ZNF536: variants seen among roughly 807,000 people sequenced by gnomAD.
The protein encoded by ZNF536 is zinc finger protein 536.
ZNF536 carries 13 observed loss-of-function variants against 84.5 expected under a neutral mutation model. The ratio of observed to expected loss-of-function variants is 0.15; its 90% CI spans 0.10 to 0.24. ZNF536 has a LOEUF of 0.24. ZNF536 is among the 10% of genes least tolerant of loss of function. The pLI, the probability that ZNF536 is intolerant of heterozygous loss-of-function variation, is 1.00. For missense variants in ZNF536, 1,536 were observed against 1,747.5 expected (o/e 0.88, Z 2.16); for synonymous variants, 811 against 742.5 (o/e 1.09, Z -1.50).
chr19:30,522,372 A>C (rs12980837), intron 2 of ZNF536, among the ~76,000 whole-genome samples: 1 of 148,680 alleles, frequency 6.7e-6, no homozygotes, highest in South Asian at 2.1e-4. Flanking sequence ...ATTCAAAAAA[A>C]TTTTTTAAGC....
intron 2 of ZNF536, among the ~76,000 whole-genome samples, chr19:30,466,306 C>G (rs541986675): frequency 4.6e-5 from 7 of 151,730 alleles, no homozygotes; most frequent in Middle Eastern, 3.4e-3. Flanking sequence ...CTCTGGGAGA[C>G]TGAAGCAGGA....
At chr19:30,336,989 C>A (rs2146483395) in intron 2 of ZNF536, among the ~76,000 whole-genome samples, 1 of 152,030 alleles carries the variant, frequency 6.6e-6, no homozygotes, top group African/African-American at 2.4e-5. Context: ...GCCGTGAGAA[C>A]TCAGGAAAAG....
intron 1 of ZNF536, among the ~76,000 whole-genome samples, chr19:30,266,531 T>C (rs975922539): frequency 1.3e-5 from 2 of 152,308 alleles, no homozygotes; most frequent in East Asian, 3.9e-4. Flanking sequence ...CCTCCTTGAT[T>C]GTTTTGTCTT....
rs144320989 is a variant in ZNF536, at chr19:30,473,360, A to G, written c.2170+27628A>G. ...TTGGTGTTTTAGCCCAGCGTGTCCC[A>G]TGGCCCCAGAGTATGCAACCCTGGG... On this transcript the variant is annotated intron_variant, in intron 2 of 4. Coordinates refer to ENST00000355537, the MANE Select transcript of ZNF536 (RefSeq NM_014717.3). Among the ~76,000 whole-genome samples the G allele has an allele frequency of 1.1e-3, 173 of 152,186 alleles. 2 individuals are homozygous for G. The highest frequency in any genetic ancestry group is 4.1e-3 in the African/African-American group (170 of 41,516).
At chr19:30,462,570 T>C (rs902406957) in intron 2 of ZNF536, among the ~76,000 whole-genome samples, 1 of 151,878 alleles carries the variant, frequency 6.6e-6, no homozygotes, top group African/African-American at 2.4e-5. Context: ...TGTGCACAGG[T>C]GACAGTGACT....
At chr19:30,571,035 G>A (rs554763680) in intron 1 of ZNF536, among the ~76,000 whole-genome samples, 37 of 152,198 alleles carry the variant, frequency 2.4e-4, no homozygotes, top group Non-Finnish European at 4.9e-4. Context: ...CCTGTGGAGT[G>A]TCTAACTGGC....
chr19:30,279,968 T>C (rs114255064), intron 1 of ZNF536, among the ~76,000 whole-genome samples: 2,636 of 152,272 alleles, frequency 0.017, 73 homozygotes, highest in African/African-American at 0.06. Context: ...CTGCTCCTGC[T>C]GCCAGACCTC....
chr19:30,250,914 T>A (rs947496765), intron 1 of ZNF536, among the ~76,000 whole-genome samples: 4 of 152,032 alleles, frequency 2.6e-5, no homozygotes, highest in Non-Finnish European at 2.9e-5. Context: ...TTCCTTTTTT[T>A]AAAAAGTGGT....
intron 1 of ZNF536, among the ~76,000 whole-genome samples, chr19:30,693,904 A>G (rs2147930975): frequency 6.6e-6 from 1 of 152,276 alleles, no homozygotes; most frequent in African/African-American, 2.4e-5. Context: ...CATTAATACA[A>G]TACAACCTCA....
chr19:30,448,060 CAAAAG>C (rs1202076940), intron 2 of ZNF536, among the ~76,000 whole-genome samples: 2 of 152,196 alleles, frequency 1.3e-5, no homozygotes, highest in Non-Finnish European at 2.9e-5. Context: ...GCTCATGACT[CAAAAG>C]AGAATTATAC....
chr19:30,296,368 C>T (rs1360672429), intron 2 of ZNF536: 1 of 152,314 alleles, frequency 6.6e-6, no homozygotes. Context: ...TGACAGAACT[C>T]AGAGCCTTTG....
intron 2 of ZNF536, among the ~76,000 whole-genome samples, chr19:30,492,872 C>T (rs1052813959): frequency 3.9e-5 from 6 of 152,158 alleles, no homozygotes; most frequent in East Asian, 3.9e-4. Context: ...AGACCACAGA[C>T]GCCCTGAGCT....
Position 30,444,151 on chromosome 19 carries a change from C to G in ZNF536, c.589C>G (p.Arg197Gly). ...KGRGRVREEN[R>G]LLHELEERAI... is the part of the protein sequence containing the mutation. The stretch of plus-strand genomic sequence containing the variant: ...GCGTGGGCGTGTGCGCGAGGAGAAC[C>G]GCCTGCTGCACGAGCTGGAGGAGCG... Residue 197 changes from arginine (R) to glycine (G), a missense_variant, in exon 2 of 5, where the codon CGC (arginine) becomes GGC (glycine). Transcript: ENST00000355537. 1 of 1,597,840 alleles carries G rather than the reference C, an allele frequency of 6.3e-7. No homozygotes were observed. Among genetic ancestry groups the G allele is most frequent in the Non-Finnish European group, 8.5e-7 (1 of 1,173,248 alleles).
At chr19:30,418,951 C>T (rs2050843670) in intron 1 of ZNF536, among the ~76,000 whole-genome samples, 1 of 151,852 alleles carries the variant, frequency 6.6e-6, no homozygotes, top group Non-Finnish European at 1.5e-5. Context: ...TTTAATTTTC[C>T]CTTCAGAAAT....
At chr19:30,686,635 G>A (rs2051195520) in intron 1 of ZNF536, among the ~76,000 whole-genome samples, 1 of 152,188 alleles carries the variant, frequency 6.6e-6, no homozygotes, top group Non-Finnish European at 1.5e-5. Context: ...TAATGGCGGG[G>A]AAGGAGCCCG....
chr19:30,268,761 C>T (rs2025658409), intron 1 of ZNF536, among the ~76,000 whole-genome samples: 1 of 152,178 alleles, frequency 6.6e-6, no homozygotes, highest in Non-Finnish European at 1.5e-5. Flanking sequence ...CATTCCTCGC[C>T]GCTTCAGTGG....
At chr19:30,652,473 T>A (rs566527706) in intron 1 of ZNF536, among the ~76,000 whole-genome samples, 237 of 152,256 alleles carry the variant, frequency 1.6e-3, no homozygotes, top group Middle Eastern at 3.4e-3. Flanking sequence ...TCTGTAATTA[T>A]CGATAGATGT....
At chr19:30,493,853 A>G (rs2054609184) in intron 2 of ZNF536, among the ~76,000 whole-genome samples, 1 of 152,128 alleles carries the variant, frequency 6.6e-6, no homozygotes, top group Non-Finnish European at 1.5e-5. Flanking sequence ...TGTGTAAAGC[A>G]TCTCTGTTAT....
chr19:30,466,032 G>T (rs1000502088), intron 2 of ZNF536, among the ~76,000 whole-genome samples: 2 of 152,022 alleles, frequency 1.3e-5, no homozygotes, highest in Non-Finnish European at 2.9e-5. Flanking sequence ...TTACAGGCAT[G>T]AGCCACCGTG....
Sources: gnomAD v4.1 joint callset for allele counts (sites outside exome capture counted in the v4.1 genomes callset) on GRCh38, gnomAD v4.1.1 for gene constraint, MANE v1.5 for transcripts, NCBI Gene and HGNC (gene_info 2026-07-23, HGNC 2026-07-21) for gene names.